ZNF362: variants seen among roughly 807,000 people sequenced by gnomAD.
ZNF362 encodes the protein zinc finger protein 362.
In ZNF362, 11 loss-of-function variants were observed where a neutral mutation model predicts 42.9. The observed-to-expected ratio is 0.26, with a 90% CI of 0.16 to 0.42. The LOEUF (loss-of-function observed/expected upper bound fraction) is 0.42, where lower values mean the gene tolerates loss of function less well. Ranked by LOEUF, ZNF362 falls within the 20% of genes least tolerant of loss-of-function variation. The pLI is 1.00. For synonymous variants in ZNF362, 255 were observed against 257.3 expected, an observed-to-expected ratio of 0.99 and a Z score of 0.09; for missense variants, 362 against 576.2, an observed-to-expected ratio of 0.63 and a Z score of 3.81.
the ZNF362 span, among the ~76,000 whole-genome samples, chr1:33,139,075 C>T: frequency 1.3e-5 from 2 of 152,220 alleles, no homozygotes; most frequent in African/African-American, 2.4e-5. Context: ...ATGAGAATTT[C>T]TACTGTGTTT....
chr1:33,239,478 C>T, the ZNF362 span, among the ~76,000 whole-genome samples: 1 of 152,170 alleles, frequency 6.6e-6, no homozygotes, highest in Non-Finnish European at 1.5e-5. Context: ...TGAAGAAATA[C>T]CCGAGACTGA....
chr1:33,164,585 CTGTT>C, the ZNF362 span: 16 of 152,348 alleles, frequency 1.1e-4, no homozygotes, highest in Non-Finnish European at 1.6e-4. Context: ...GTGGAAAAGT[CTGTT>C]TGTTTGTTTG....
At chr1:33,228,187 C>T in the ZNF362 span, among the ~76,000 whole-genome samples, 1 of 152,102 alleles carries the variant, frequency 6.6e-6, no homozygotes, top group South Asian at 2.1e-4. Context: ...CACAAGTAGG[C>T]ACATCATCTT....
In ZNF362 at chr1:33,287,351, G is replaced by A. The variant is rs543479245; in HGVS notation, c.908+5540G>A. Reference sequence around the variant, plus strand: ...AAAATTAAAAAGTTAGCCGAGTGTGGTAGCATGTGTTGTAGCTCCAGCTAC... The same window carrying A: ...AAAATTAAAAAGTTAGCCGAGTGTGATAGCATGTGTTGTAGCTCCAGCTAC... On this transcript the variant is annotated intron_variant, in intron 6 of 8. Transcript: ENST00000539719. Among the ~76,000 whole-genome samples, 5 of 152,316 alleles carry A rather than the reference G, an allele frequency of 3.3e-5. No homozygotes were observed. In the South Asian group the frequency reaches 6.2e-4, roughly 19 times the overall value.
chr1:33,270,556 T>G lies in ZNF362; in HGVS notation c.-19T>G. The G allele has an allele frequency of 6.4e-7, 1 of 1,550,786 alleles. No individual in the cohort carries two copies. On this transcript the variant is annotated 5_prime_UTR_variant, in exon 2 of 9. Transcript: ENST00000539719. ...GAAAGCTCCGTAGAAGAGGGAACAC[T>G]TGAGCTGGGTCTTGAAGGATGAGTA... is the stretch of plus-strand genomic sequence containing the variant.
chr1:33,281,937 C>T lies in ZNF362; in HGVS notation c.908+126C>T. On this transcript the variant is annotated intron_variant, in intron 6 of 8. Transcript: ENST00000539719. The surrounding 1 kb of genome is among the most constrained non-coding windows in gnomAD (Gnocchi z 4.8). ...GTGCCCATTGCCCTCGGGGTCACGG[C>T]CCTTGTGGACCTCACTGGCCTCAGC... is the stretch of plus-strand genomic sequence containing the variant. 1 of 878,494 alleles carries T rather than the reference C, an allele frequency of 1.1e-6. No homozygotes were observed. Among genetic ancestry groups the T allele is most frequent in the South Asian group, 1.6e-5 (1 of 63,628 alleles). The allele number at this position is 878,494 out of a possible 1,614,324, so 54.4% of individuals were successfully genotyped here.
intron 6 of ZNF362, among the ~76,000 whole-genome samples, chr1:33,293,928 C>T (rs1018736918): frequency 1.1e-4 from 16 of 152,186 alleles, no homozygotes; most frequent in Non-Finnish European, 2.4e-4. Flanking sequence ...CCCTTATCTC[C>T]GTTTAAAACT....
At chr1:33,207,421 G>T in the ZNF362 span, among the ~76,000 whole-genome samples, 3 of 152,188 alleles carry the variant, frequency 2.0e-5, no homozygotes, top group Non-Finnish European at 4.4e-5. Context: ...ACCTGTGCAT[G>T]TGTCTTTATA....
chr1:33,293,549 T>G (rs1204697966), intron 6 of ZNF362, among the ~76,000 whole-genome samples: 1 of 152,118 alleles, frequency 6.6e-6, no homozygotes, highest in Non-Finnish European at 1.5e-5. Context: ...GCAAACCCAG[T>G]CAGTGAGAGG....
chr1:33,256,350 C>G, upstream of ZNF362, among the ~76,000 whole-genome samples: 1 of 141,510 alleles, frequency 7.1e-6, no homozygotes, highest in East Asian at 2.2e-4. Flanking sequence ...GCTGCGCAGC[C>G]GGAGAGGCGG....
the ZNF362 span, among the ~76,000 whole-genome samples, chr1:33,152,337 A>C: frequency 0.023 from 3,530 of 152,268 alleles, 111 homozygotes; most frequent in African/African-American, 0.08. Flanking sequence ...AGGCCGAGGC[A>C]GGCGGATCAC....
chr1:33,276,628 G>T, intron 4 of ZNF362, 34 bp downstream of exon 4: 1 of 1,307,672 alleles, frequency 7.6e-7, no homozygotes, highest in South Asian at 2.0e-5. Flanking sequence ...CGGGGCCGGT[G>T]AGGACTGGGC....
chr1:33,131,645 TATTAA>T, the ZNF362 span, among the ~76,000 whole-genome samples: 1 of 152,036 alleles, frequency 6.6e-6, no homozygotes, highest in Non-Finnish European at 1.5e-5. Context: ...AATTAAAATA[TATTAA>T]ATTAATTTCA....
rs1557794505 is a variant in ZNF362 at position 33,280,613 on chromosome 1, C to T, written c.683+156C>T. Among the ~76,000 whole-genome samples, 1 of 152,140 alleles carries T rather than the reference C, an allele frequency of 6.6e-6. No individual in the cohort carries two copies. Among genetic ancestry groups the T allele is most frequent in the Non-Finnish European group, 1.5e-5 (1 of 68,014 alleles). On this transcript the variant is annotated intron_variant, in intron 5 of 8. Transcript: ENST00000539719. The surrounding 1 kb of genome is among the most constrained non-coding windows in gnomAD (Gnocchi z 5.6). The stretch of plus-strand genomic sequence containing the variant: ...GGCGGGGCCTTCTGGAGAGCCCCAC[C>T]CACATCCCAAGTCCCAGTTCGGGGA...
the ZNF362 span, among the ~76,000 whole-genome samples, chr1:33,167,875 T>A: frequency 6.6e-6 from 1 of 152,208 alleles, no homozygotes; most frequent in Non-Finnish European, 1.5e-5. The surrounding 1 kb of genome is among the most constrained non-coding windows in gnomAD (Gnocchi z 4.2). Context: ...AATTATTCAT[T>A]TAAAAAACAT....
chr1:33,134,109 C>A, the ZNF362 span, among the ~76,000 whole-genome samples: 18 of 152,238 alleles, frequency 1.2e-4, no homozygotes, highest in African/African-American at 4.3e-4. Context: ...CCATGTGCTT[C>A]CCCACAAGCA....
chr1:33,248,915 T>A, the ZNF362 span, among the ~76,000 whole-genome samples: 1 of 152,238 alleles, frequency 6.6e-6, no homozygotes, highest in South Asian at 2.1e-4. Context: ...TTCAAGATAA[T>A]GCTCAAATAT....
chr1:33,201,668 T>G, the ZNF362 span, among the ~76,000 whole-genome samples: 1 of 152,192 alleles, frequency 6.6e-6, no homozygotes, highest in Non-Finnish European at 1.5e-5. Context: ...TAGCACTAAA[T>G]GCTCTATATT....
chr1:33,177,193 C>T, the ZNF362 span, among the ~76,000 whole-genome samples: 1 of 152,178 alleles, frequency 6.6e-6, no homozygotes, highest in Non-Finnish European at 1.5e-5. This position sits in a 1 kb window ranked among gnomAD's most constrained non-coding sequence, Gnocchi z 4.1. Context: ...GTAACTCCTG[C>T]CATGTTTCAT....
Sources: allele counts gnomAD v4.1 joint callset (sites outside exome capture counted in the v4.1 genomes callset), GRCh38; gene constraint gnomAD v4.1.1; non-coding constraint Gnocchi (gnomAD v3.1); transcripts MANE v1.5; gene names NCBI Gene and HGNC (gene_info 2026-07-23, HGNC 2026-07-21).